DLC1: variants seen among roughly 807,000 people sequenced by gnomAD.
DLC1 encodes the protein DLC1 Rho GTPase activating protein.
Under a neutral mutation model 140.3 loss-of-function variants are expected in DLC1, and 54 were observed. That is an observed-to-expected ratio of 0.38 (90% CI 0.31 to 0.48). The LOEUF (loss-of-function observed/expected upper bound fraction) is 0.48, where lower values mean the gene tolerates loss of function less well. Ranked by LOEUF, DLC1 falls within the 20% of genes least tolerant of loss-of-function variation. The pLI is 0.96. For synonymous variants in DLC1, 986 were observed against 728.1 expected, an observed-to-expected ratio of 1.35 and a Z score of -5.70; for missense variants, 2,536 against 1,907.0, an observed-to-expected ratio of 1.33 and a Z score of -6.14.
intron 15 of DLC1, among the ~76,000 whole-genome samples, chr8:13,089,610 G>A (rs1817876192): frequency 6.6e-6 from 1 of 152,192 alleles, no homozygotes; most frequent in Non-Finnish European, 1.5e-5. Flanking sequence ...GGGTGACAGA[G>A]CAAGACTCCA....
chr8:13,567,781 AGACT>A (rs1585283517), intron 1 of DLC1: 7 of 1,551,946 alleles, frequency 4.5e-6, no homozygotes, highest in Non-Finnish European at 6.1e-6. Context: ...AATCTGGAAA[AGACT>A]GACTGAGAAA....
intron 5 of DLC1, among the ~76,000 whole-genome samples, chr8:13,235,787 C>G (rs886286472): frequency 6.6e-6 from 1 of 151,998 alleles, no homozygotes; most frequent in African/African-American, 2.4e-5. Context: ...GGACAAATTG[C>G]CACATACACA....
chr8:13,482,613 G>A (rs1040530622), intron 2 of DLC1, among the ~76,000 whole-genome samples: 8 of 152,204 alleles, frequency 5.3e-5, no homozygotes, highest in East Asian at 3.9e-4. Context: ...TTAACTATAC[G>A]TCATAGTTAC....
intron 2 of DLC1, among the ~76,000 whole-genome samples, chr8:13,402,226 G>A (rs1425875102): frequency 6.6e-6 from 1 of 152,126 alleles, no homozygotes; most frequent in East Asian, 1.9e-4. Flanking sequence ...ACAACAATTT[G>A]TATTTTTGTA....
At chr8:13,294,821 G>A (rs1831885337) in intron 5 of DLC1, among the ~76,000 whole-genome samples, 1 of 152,124 alleles carries the variant, frequency 6.6e-6, no homozygotes, top group Admixed American at 6.6e-5. Context: ...GTGACTTTGG[G>A]TATCTTAGGG....
intron 1 of DLC1, among the ~76,000 whole-genome samples, chr8:13,564,671 G>C (rs1177500748): frequency 6.6e-6 from 1 of 152,208 alleles, no homozygotes; most frequent in Non-Finnish European, 1.5e-5. Flanking sequence ...AGGAAAGCAA[G>C]AGAGAAGGGG....
intron 1 of DLC1, among the ~76,000 whole-genome samples, chr8:13,573,821 G>A (rs977549491): frequency 4.6e-5 from 7 of 152,076 alleles, no homozygotes; most frequent in African/African-American, 1.7e-4. Flanking sequence ...TATGCTCTAT[G>A]ACATTAATAT....
intron 4 of DLC1, among the ~76,000 whole-genome samples, chr8:13,319,361 C>A (rs1563250109): frequency 6.6e-6 from 1 of 151,950 alleles, no homozygotes; most frequent in Non-Finnish European, 1.5e-5. Context: ...CACAACTTTT[C>A]CATTATCATC....
At chr8:13,514,202 A>C (rs1802500341) in intron 1 of DLC1, among the ~76,000 whole-genome samples, 1 of 151,946 alleles carries the variant, frequency 6.6e-6, no homozygotes. Flanking sequence ...GGTGCTTTCT[A>C]CTCTCCCTGT....
At chr8:13,158,737 C>CCCT (rs1824443298) in intron 5 of DLC1, among the ~76,000 whole-genome samples, 1 of 88,056 alleles carries the variant, frequency 1.1e-5, no homozygotes, top group African/African-American at 5.1e-5. Flanking sequence ...CCACCCTCCC[C>CCCT]CCCCCCCCCC....
At chr8:13,338,948 T>C (rs1833919758) in intron 4 of DLC1, among the ~76,000 whole-genome samples, 3 of 152,234 alleles carry the variant, frequency 2.0e-5, no homozygotes, top group African/African-American at 7.2e-5. Flanking sequence ...ATGTGTAGGT[T>C]AACCAAGCAA....
Position 13,498,958 on chromosome 8 carries a change from A to T in DLC1, c.1023+91T>A, listed in dbSNP as rs1003689740. On this transcript the variant is annotated intron_variant, in intron 2 of 17. Coordinates refer to ENST00000276297, the MANE Select transcript of DLC1 (RefSeq NM_182643.3). ...ATAACAGGGCAAAAGAACCATCTTC[A>T]TATCTTTTTAATCCAAGCAAAATGA... The T allele has an allele frequency of 2.1e-6, 3 of 1,426,960 alleles. No homozygotes were observed. In the Admixed American group the frequency reaches 7.6e-5, roughly 36 times the overall value. 88.4% of individuals were successfully genotyped at this position (1,426,960 alleles called of 1,614,324 possible).
At chr8:13,457,473 T>C (rs531351200) in intron 2 of DLC1, among the ~76,000 whole-genome samples, 23 of 151,710 alleles carry the variant, frequency 1.5e-4, no homozygotes, top group African/African-American at 5.6e-4. Flanking sequence ...GGTCAAGAAA[T>C]CAAGACCATC....
At chr8:13,114,356 C>T (rs1366254381) in intron 6 of DLC1, among the ~76,000 whole-genome samples, 1 of 152,142 alleles carries the variant, frequency 6.6e-6, no homozygotes, top group African/African-American at 2.4e-5. Context: ...AGCGAGACTC[C>T]GTCTCAAAAC....
chr8:13,436,584 C>G (rs1285555072), intron 2 of DLC1, among the ~76,000 whole-genome samples: 1 of 152,078 alleles, frequency 6.6e-6, no homozygotes, highest in Non-Finnish European at 1.5e-5. Context: ...GTAGGAGTAA[C>G]TAAAACAGTT....
chr8:13,516,425 T>C (rs902989884), upstream of DLC1, among the ~76,000 whole-genome samples: 1 of 152,220 alleles, frequency 6.6e-6, no homozygotes, highest in Non-Finnish European at 1.5e-5. Context: ...TAGTACTTTT[T>C]GATAATATTG....
At chr8:13,253,993 A>G (rs1830112098) in intron 5 of DLC1, among the ~76,000 whole-genome samples, 1 of 152,142 alleles carries the variant, frequency 6.6e-6, no homozygotes, top group Non-Finnish European at 1.5e-5. Flanking sequence ...GGTCTCTTTT[A>G]ATTGGCAAAA....
rs1444609674 is a variant in DLC1 at position 13,345,479 on chromosome 8, G to A, written c.1315-40177C>T. Among the ~76,000 whole-genome samples, 4 of 150,612 alleles carry A rather than the reference G, an allele frequency of 2.7e-5. 1 individual carries two copies. The highest frequency in any genetic ancestry group is 2.0e-4 in the Admixed American group (3 of 15,052). Reference sequence around the variant, plus strand: ...TTCATTTGGGGCTGAGGGAGTCCCAGGGATCTCTTGGAAGAGATACTGAGC... The same window carrying A: ...TTCATTTGGGGCTGAGGGAGTCCCAAGGATCTCTTGGAAGAGATACTGAGC... On this transcript the variant is annotated intron_variant, in intron 4 of 17. Coordinates refer to ENST00000276297, the MANE Select transcript of DLC1 (RefSeq NM_182643.3).
chr8:13,423,884 G>C (rs754783424), intron 2 of DLC1, among the ~76,000 whole-genome samples: 106 of 152,172 alleles, frequency 7.0e-4, no homozygotes, highest in Non-Finnish European at 1.2e-3. Flanking sequence ...TGAAAGCTCT[G>C]ATCCATTACA....
Sources: gnomAD v4.1 joint callset for allele counts (sites outside exome capture counted in the v4.1 genomes callset) on GRCh38, gnomAD v4.1.1 for gene constraint, MANE v1.5 for transcripts, NCBI Gene and HGNC (gene_info 2026-07-23, HGNC 2026-07-21) for gene names.